The following DAB1 variants were observed in gnomAD, a reference collection of about 807,000 sequenced individuals.
DAB1 encodes disabled homolog 1.
In DAB1, 15 loss-of-function variants were observed where a neutral mutation model predicts 64.6. The ratio of observed to expected loss-of-function variants is 0.23; its 90% CI spans 0.16 to 0.36. DAB1 has a LOEUF of 0.36. Among genes scored for constraint, DAB1 ranks in the 10% least tolerant of loss-of-function variants. The pLI, the probability that DAB1 is intolerant of heterozygous loss-of-function variation, is 1.00. For synonymous variants in DAB1, 235 were observed against 251.9 expected (o/e 0.93, Z 0.64); for missense variants, 596 against 706.7 (o/e 0.84, Z 1.78).
chr1:58,314,653 A>AGTGAAGTG (rs572247670), intron 4 of DAB1, among the ~76,000 whole-genome samples: 38 of 152,328 alleles, frequency 2.5e-4, no homozygotes, highest in African/African-American at 9.1e-4. Context: ...CTCTCAGTAA[A>AGTGAAGTG]GTGAAGTGAT....
At chr1:57,588,682 A>T (rs1026926402) in intron 7 of DAB1, among the ~76,000 whole-genome samples, 3 of 152,246 alleles carry the variant, frequency 2.0e-5, no homozygotes, top group African/African-American at 7.2e-5. Flanking sequence ...AGCAATACAT[A>T]TTGTACTGGA....
chr1:58,064,431 T>C (rs1216533852), intron 5 of DAB1, among the ~76,000 whole-genome samples: 2 of 152,080 alleles, frequency 1.3e-5, no homozygotes, highest in East Asian at 3.9e-4. Context: ...CTCTTCGAAG[T>C]GCCCATGTGA....
intron 1 of DAB1, among the ~76,000 whole-genome samples, chr1:57,865,540 G>T (rs1654258597): frequency 6.6e-6 from 1 of 151,632 alleles, no homozygotes. Context: ...CTCAAACATG[G>T]TCTCAAACAG....
intron 4 of DAB1, among the ~76,000 whole-genome samples, chr1:57,130,843 G>A (rs977042189): frequency 6.6e-6 from 1 of 152,138 alleles, no homozygotes; most frequent in African/African-American, 2.4e-5. Flanking sequence ...TGGAAAATTC[G>A]GTATTATGTA....
At chr1:57,128,460 T>C (rs1307407228) in intron 4 of DAB1, among the ~76,000 whole-genome samples, 2 of 152,158 alleles carry the variant, frequency 1.3e-5, no homozygotes, top group Non-Finnish European at 2.9e-5. Flanking sequence ...TATTAGAACA[T>C]AGCCACAGTC....
At chr1:57,421,924 G>T (rs1473031877) in intron 1 of DAB1, among the ~76,000 whole-genome samples, 3 of 132,044 alleles carry the variant, frequency 2.3e-5, no homozygotes, top group South Asian at 3.0e-4. Flanking sequence ...TGGCGGGGGG[G>T]GGTGCCTACT....
At chr1:57,974,505 T>TAG (rs1645873051) in intron 5 of DAB1, among the ~76,000 whole-genome samples, 1 of 151,630 alleles carries the variant, frequency 6.6e-6, no homozygotes, top group African/African-American at 2.4e-5. Flanking sequence ...TATATAGATA[T>TAG]ATAGATAGAT....
intron 4 of DAB1, among the ~76,000 whole-genome samples, chr1:58,224,612 A>C (rs1394284980): frequency 6.6e-6 from 1 of 152,172 alleles, no homozygotes; most frequent in East Asian, 1.9e-4. Flanking sequence ...CAGTGTTCCC[A>C]AAAATTTAAC....
intron 7 of DAB1, among the ~76,000 whole-genome samples, chr1:57,501,288 A>T (rs1443342738): frequency 6.6e-6 from 1 of 152,248 alleles, no homozygotes; most frequent in Non-Finnish European, 1.5e-5. Flanking sequence ...GAAAGCCATC[A>T]GGGAGAATGG....
At chr1:58,021,722 G>A (rs1646817846) in intron 5 of DAB1, among the ~76,000 whole-genome samples, 1 of 152,204 alleles carries the variant, frequency 6.6e-6, no homozygotes, top group Non-Finnish European at 1.5e-5. Flanking sequence ...GAGAATGGAA[G>A]TCTGGAGGTA....
At chr1:57,595,010 G>A (rs964013274) in intron 7 of DAB1, among the ~76,000 whole-genome samples, 8 of 151,978 alleles carry the variant, frequency 5.3e-5, no homozygotes, top group Non-Finnish European at 1.0e-4. Context: ...ACACCTGGCC[G>A]GAAAAATCAC....
intron 5 of DAB1, among the ~76,000 whole-genome samples, chr1:58,000,306 G>C (rs1646487061): frequency 6.6e-6 from 1 of 152,202 alleles, no homozygotes; most frequent in Admixed American, 6.5e-5. Flanking sequence ...ATAAGCCAGG[G>C]TTTGGAACCA....
At chr1:58,465,248 G>A (rs1645282909) in intron 3 of DAB1, among the ~76,000 whole-genome samples, 2 of 152,132 alleles carry the variant, frequency 1.3e-5, no homozygotes, top group South Asian at 2.1e-4. Flanking sequence ...CACACCACTG[G>A]CCACCAAGCC....
chr1:58,160,038 T>C (rs933749559), intron 4 of DAB1, among the ~76,000 whole-genome samples: 2 of 152,090 alleles, frequency 1.3e-5, no homozygotes, highest in African/African-American at 4.8e-5. Flanking sequence ...GAAAAAGGCA[T>C]TTCAAATACA....
chr1:58,300,614 G>GAAAGAAAGAAAGAAAGAA (rs1557726085), intron 4 of DAB1, among the ~76,000 whole-genome samples: 2 of 44,686 alleles, frequency 4.5e-5, no homozygotes, highest in African/African-American at 1.4e-4. Context: ...GAAAGAAAGA[G>GAAAGAAAGAAAGAAAGAA]AGAGAGAGAG....
Position 58,201,643 on chromosome 1 carries a change from G to GA in DAB1, n.310-51056dup, listed in dbSNP as rs1356578392. On this transcript the variant is annotated intron_variant and non_coding_transcript_variant, in intron 4 of 20. Coordinates refer to the DAB1 transcript ENST00000485760. ...GCTTTAGTCCCAGAGGAAGTTTGCA[G>GA]AAAAAAGGCAAATTACCTTTTAGCA... Among the ~76,000 whole-genome samples the GA allele has an allele frequency of 3.3e-5, 5 of 152,280 alleles. No homozygotes were observed. In the South Asian group the frequency reaches 8.3e-4, roughly 25 times the overall value.
At chr1:57,093,889 C>T (rs989372388) in intron 4 of DAB1, among the ~76,000 whole-genome samples, 3 of 151,866 alleles carry the variant, frequency 2.0e-5, no homozygotes, top group Non-Finnish European at 2.9e-5. Flanking sequence ...CGAGGTGGGC[C>T]AATCACTTGA....
At chr1:58,366,873 G>A (rs1258915966) in intron 3 of DAB1, among the ~76,000 whole-genome samples, 1 of 152,074 alleles carries the variant, frequency 6.6e-6, no homozygotes, top group East Asian at 1.9e-4. Flanking sequence ...ACCCTTCTGG[G>A]GAACCAAAAC....
chr1:57,057,899 C>T (rs7529992), intron 9 of DAB1, among the ~76,000 whole-genome samples: 13 of 152,056 alleles, frequency 8.5e-5, no homozygotes, highest in African/African-American at 2.4e-4. Context: ...TGAGCCACCG[C>T]GCCCGGCCTA....
Sources: allele counts gnomAD v4.1 joint callset (sites outside exome capture counted in the v4.1 genomes callset), GRCh38; gene constraint gnomAD v4.1.1; transcripts MANE v1.5; gene names NCBI Gene and HGNC (gene_info 2026-07-23, HGNC 2026-07-21).